The following VSTM2B variants were observed in gnomAD, a reference collection of about 807,000 sequenced individuals.
The protein encoded by VSTM2B is V-set and transmembrane domain-containing protein 2B.
In VSTM2B, 24 loss-of-function variants were observed where a neutral mutation model predicts 24.0. That is an observed-to-expected ratio of 1.00 (90% confidence interval 0.72 to 1.40). VSTM2B has a LOEUF of 1.40. Ranked by LOEUF, VSTM2B falls within the 40% of genes most tolerant of loss-of-function variation. VSTM2B has a pLI of 0.00. For missense variants in VSTM2B, 399 were observed against 416.4 expected (o/e 0.96, Z 0.36); for synonymous variants, 226 against 194.4 (o/e 1.16, Z -1.35).
intron 4 of VSTM2B, among the ~76,000 whole-genome samples, chr19:29,558,185 G>T (rs1297224305): frequency 6.6e-6 from 1 of 152,220 alleles, no homozygotes; most frequent in East Asian, 1.9e-4. Flanking sequence ...AGTCAGAATG[G>T]TGATTATTAA....
At chr19:29,544,425 C>T (rs187755421) in intron 4 of VSTM2B, among the ~76,000 whole-genome samples, 403 of 141,994 alleles carry the variant, frequency 2.8e-3, no homozygotes, top group African/African-American at 9.7e-3. Flanking sequence ...ACTTGGGAGG[C>T]TGAGGCAGGA....
chr19:29,547,495 C>G (rs1664936904), intron 4 of VSTM2B, among the ~76,000 whole-genome samples: 1 of 152,200 alleles, frequency 6.6e-6, no homozygotes, highest in Admixed American at 6.5e-5. Context: ...TCCCTGACAT[C>G]TGCTCTTGAC....
intron 4 of VSTM2B, among the ~76,000 whole-genome samples, chr19:29,552,198 T>C (rs930185028): frequency 2.0e-5 from 3 of 152,206 alleles, no homozygotes; most frequent in African/African-American, 7.2e-5. Flanking sequence ...TTACTCAGGG[T>C]CAGCCTGGAA....
chr19:29,527,358 A>G lies in VSTM2B; in HGVS notation c.230A>G (p.His77Arg), dbSNP rs1433813824. 1 of 1,546,500 alleles carries G rather than the reference A, an allele frequency of 6.5e-7. No homozygotes were observed. The change falls in exon 2 of 5, where the codon CAC (histidine) becomes CGC (arginine). Residue 77 changes from histidine (H) to arginine (R), a missense_variant. Transcript: ENST00000335523. The stretch of plus-strand genomic sequence containing the variant: ...AAGGAGCCACCCCGGGAGCTGCTGC[A>G]CGAGCTGGCGCTCAGCGTGCCGGGC... ...YLKEPPRELL[H>R]ELALSVPGAR...
chr19:29,547,996 G>A (rs1970189820), intron 4 of VSTM2B, among the ~76,000 whole-genome samples: 1 of 152,124 alleles, frequency 6.6e-6, no homozygotes, highest in African/African-American at 2.4e-5. Flanking sequence ...CAGGGAGAGT[G>A]TCCAGGTGCG....
At chr19:29,549,945 C>A (rs1432541545) in intron 4 of VSTM2B, among the ~76,000 whole-genome samples, 2 of 152,252 alleles carry the variant, frequency 1.3e-5, no homozygotes, top group Non-Finnish European at 2.9e-5. Flanking sequence ...CAGCCATCCC[C>A]ATGGCTAAAT....
intron 4 of VSTM2B, among the ~76,000 whole-genome samples, chr19:29,545,529 C>A (rs1211556098): frequency 6.6e-6 from 1 of 152,208 alleles, no homozygotes; most frequent in Non-Finnish European, 1.5e-5. Flanking sequence ...AGGAGAATGA[C>A]TTGAACCTGG....
chr19:29,543,143 G>GT (rs1260080938), intron 4 of VSTM2B, among the ~76,000 whole-genome samples: 1 of 152,258 alleles, frequency 6.6e-6, no homozygotes, highest in Non-Finnish European at 1.5e-5. Context: ...ATGTAGATAT[G>GT]TTTTTTCAGG....
At chr19:29,529,374 GC>G (rs145092249) in intron 3 of VSTM2B, among the ~76,000 whole-genome samples, 2,814 of 152,340 alleles carry the variant, frequency 0.018, 99 homozygotes, top group African/African-American at 0.063. Context: ...GGTGAGGAGG[GC>G]CGGCTGGGGC....
intron 4 of VSTM2B, among the ~76,000 whole-genome samples, chr19:29,550,946 T>A (rs730428): frequency 6.6e-6 from 1 of 152,020 alleles, no homozygotes; most frequent in Non-Finnish European, 1.5e-5. Context: ...TCAGCCCCAG[T>A]GGAGAGGGCT....
Position 29,530,298 on chromosome 19 carries a change from A to G in VSTM2B, c.769+8A>G. 6.8e-7 allele frequency: 1 copy of G among 1,477,998 alleles called. No individual in the cohort carries two copies. Among genetic ancestry groups the G allele is most frequent in the Non-Finnish European group, 8.9e-7 (1 of 1,120,336 alleles). 91.6% of individuals were successfully genotyped at this position (1,477,998 alleles called of 1,614,324 possible). On this transcript the variant is annotated splice_region_variant and intron_variant, in intron 4 of 4. Coordinates refer to ENST00000335523, the MANE Select transcript of VSTM2B (RefSeq NM_001146339.2). ...GCCAGAGGCACGGCTCGGGTAAGGG[A>G]TCGCGGAGAGGGGGCGCACGCGCGG...
chr19:29,553,986 T>C (rs1054828731), intron 4 of VSTM2B, among the ~76,000 whole-genome samples: 4 of 151,954 alleles, frequency 2.6e-5, no homozygotes, highest in East Asian at 3.9e-4. Flanking sequence ...CAGAACCAAG[T>C]TGGAAAACAC....
intron 4 of VSTM2B, among the ~76,000 whole-genome samples, chr19:29,560,176 G>A (rs981492794): frequency 4.6e-5 from 7 of 152,210 alleles, no homozygotes; most frequent in Middle Eastern, 3.4e-3. Flanking sequence ...ATAATGTTCC[G>A]CCAGCAAAAG....
Position 29,530,155 on chromosome 19 carries a change from G to A in VSTM2B, c.634G>A (p.Asp212Asn). Residue 212 changes from aspartate to asparagine, a missense_variant, in exon 4 of 5, where the codon GAT becomes AAT. Coordinates refer to ENST00000335523, the MANE Select transcript of VSTM2B (RefSeq NM_001146339.2). ...GCCCGGGAGCCCTCCCGCCGCCATCGATCCCGCAGTCCCCGAGGCCGCGGC... is the reference window on the plus strand; with the variant it reads ...GCCCGGGAGCCCTCCCGCCGCCATCAATCCCGCAGTCCCCGAGGCCGCGGC... Reference protein sequence around the residue: ...PPPGSPPAAIDPAVPEAAAAS... With the variant: ...PPPGSPPAAINPAVPEAAAAS... The A allele has an allele frequency of 6.8e-7, 1 of 1,471,938 alleles. No individual in the cohort carries two copies. The highest frequency in any genetic ancestry group is 8.9e-7 in the Non-Finnish European group (1 of 1,118,628). The allele number at this position is 1,471,938 out of a possible 1,614,324, so 91.2% of individuals were successfully genotyped here.
chr19:29,561,857 G>A (rs373593705), intron 4 of VSTM2B, among the ~76,000 whole-genome samples: 8 of 152,214 alleles, frequency 5.3e-5, no homozygotes, highest in East Asian at 1.9e-4. Flanking sequence ...AATGAGAGCA[G>A]ATTGGAGTCT....
At chr19:29,556,094 A>C (rs1194426062) in intron 4 of VSTM2B, among the ~76,000 whole-genome samples, 2 of 123,058 alleles carry the variant, frequency 1.6e-5, no homozygotes, top group African/African-American at 6.4e-5. Context: ...AATCTGGCAG[A>C]GATACAAAAA....
At chr19:29,531,054 C>A (rs548893396) in intron 4 of VSTM2B, among the ~76,000 whole-genome samples, 2 of 150,996 alleles carry the variant, frequency 1.3e-5, no homozygotes, top group Admixed American at 6.6e-5. Flanking sequence ...GCTTGACTAC[C>A]CCCTGGTAGG....
chr19:29,537,305 A>C (rs1969912384), intron 4 of VSTM2B, among the ~76,000 whole-genome samples: 1 of 152,182 alleles, frequency 6.6e-6, no homozygotes. Context: ...TGGAGGATCC[A>C]GTCTGGCCTC....
intron 2 of VSTM2B, among the ~76,000 whole-genome samples, chr19:29,528,128 A>T (rs1157923833): frequency 6.6e-6 from 1 of 152,142 alleles, no homozygotes; most frequent in African/African-American, 2.4e-5. Flanking sequence ...GGGCCTAAGG[A>T]TGCCCAGAGG....
Sources: allele counts gnomAD v4.1 joint callset (sites outside exome capture counted in the v4.1 genomes callset), GRCh38; gene constraint gnomAD v4.1.1; transcripts MANE v1.5; gene names NCBI Gene and HGNC (gene_info 2026-07-23, HGNC 2026-07-21).